The following SYNE1 variants were observed in gnomAD, a reference collection of about 807,000 sequenced individuals.
SYNE1 encodes nesprin-1.
A neutral mutation model predicts 1,111.0 loss-of-function variants in SYNE1; 616 were observed. The ratio of observed to expected loss-of-function variants is 0.55; its 90% CI spans 0.52 to 0.59. The LOEUF (loss-of-function observed/expected upper bound fraction) is 0.59. SYNE1 is among the 20% of genes least tolerant of loss of function. The pLI is 0.00. For missense variants in SYNE1, 10,006 were observed against 10,417.0 expected (o/e 0.96, Z 1.72); for synonymous variants, 3,855 against 3,825.8 (o/e 1.01, Z -0.28).
At chr6:152,572,934 A>C (rs1052338786) in intron 3 of SYNE1, among the ~76,000 whole-genome samples, 1 of 152,180 alleles carries the variant, frequency 6.6e-6, no homozygotes, top group African/African-American at 2.4e-5. Context: ...CCTTTGGTCT[A>C]ATAAACATTT....
Position 152,231,579 on chromosome 6 carries a change from G to A in SYNE1, c.20863-12C>T, listed in dbSNP as rs748934482. ...TCTATCTTAAAACCCTAAAAAAAAA[G>A]AGGAGAAAATAAGATTATACAATAA... On this transcript the variant is annotated splice_polypyrimidine_tract_variant and intron_variant, in intron 113 of 145. Coordinates refer to ENST00000367255, the MANE Select transcript of SYNE1 (RefSeq NM_182961.4). 4.3e-6 allele frequency: 7 copies of A among 1,611,506 alleles called. No homozygotes were observed. In the South Asian group the frequency reaches 5.5e-5, roughly 13 times the overall value.
Position 152,316,925 on chromosome 6 carries a change from T to C in SYNE1, c.16634A>G (p.Lys5545Arg). The C allele has an allele frequency of 6.2e-7, 1 of 1,614,128 alleles. No homozygotes were observed. The highest frequency in any genetic ancestry group is 1.1e-5 in the South Asian group (1 of 91,084). Reference protein sequence around the residue: ...MLELILKWIEKAKVLAHGTIA... With the variant: ...MLELILKWIERAKVLAHGTIA... ...AGTTCCATGAGCCAAGACTTTAGCT[T>C]TTTCAATCCACTTCAAAATTAATTC... is the stretch of plus-strand genomic sequence containing the variant. Residue 5545 changes from lysine to arginine, a missense_variant, in exon 87 of 146, where the codon AAA becomes AGA. Coordinates refer to ENST00000367255, the MANE Select transcript of SYNE1 (RefSeq NM_182961.4).
At position 152,323,430 on chromosome 6, in the gene SYNE1, CTCCA is replaced by C. The variant is rs780306158; in HGVS notation, c.15917+44_15917+47del. On this transcript the variant is annotated intron_variant, in intron 82 of 145. Coordinates refer to ENST00000367255, the MANE Select transcript of SYNE1 (RefSeq NM_182961.4). ...CTCCAGCCTGGGCGACAGAGCGAGACTCCAAACAAACAAACAAACAAAAGAATGA... is the reference window on the plus strand; with the variant it reads ...CTCCAGCCTGGGCGACAGAGCGAGACAACAAACAAACAAACAAAAGAATGA... 229 of 1,600,758 alleles carry C rather than the reference CTCCA, an allele frequency of 1.4e-4. 1 individual carries two copies. The Middle Eastern group carries it at 6.6e-3, about 46-fold the overall frequency.
At chr6:152,311,877 A>G (rs1296642395) in intron 87 of SYNE1, among the ~76,000 whole-genome samples, 2 of 151,512 alleles carry the variant, frequency 1.3e-5, no homozygotes, top group African/African-American at 2.4e-5. Flanking sequence ...CCGGGTTCAC[A>G]CCATTCTCCT....
intron 100 of SYNE1, among the ~76,000 whole-genome samples, chr6:152,263,527 C>T (rs2153656187): frequency 6.6e-6 from 1 of 152,020 alleles, no homozygotes. Flanking sequence ...AGTAGCCTCC[C>T]AAGTCTGGTA....
chr6:152,395,933 A>G (rs1333387872), intron 50 of SYNE1, among the ~76,000 whole-genome samples: 1 of 152,212 alleles, frequency 6.6e-6, no homozygotes, highest in African/African-American at 2.4e-5. Context: ...CATAGCTGGT[A>G]ATTGCCAACA....
chr6:152,408,890 G>T (rs549291640), intron 44 of SYNE1, among the ~76,000 whole-genome samples, 178 bp downstream of exon 44: 1 of 151,768 alleles, frequency 6.6e-6, no homozygotes, highest in African/African-American at 2.4e-5. Context: ...GAAGGCAGAG[G>T]TTGCGGTGAG....
chr6:152,484,933 T>C lies in SYNE1; in HGVS notation c.1087A>G (p.Lys363Glu). Reference protein sequence around the residue: ...HFRVQYEMKRKQIEHLIQPLH... With the variant: ...HFRVQYEMKREQIEHLIQPLH... ...GGTTGTATTAAATGTTCAATCTGTT[T>C]CCTCTTCATTTCATATTGAACTCTG... is the stretch of plus-strand genomic sequence containing the variant. Residue 363 changes from lysine (K) to glutamate (E), a missense_variant, in exon 13 of 146, where the codon AAA becomes GAA. This residue lies in a region of SYNE1 where 1,971 missense variants were observed against 2,084.1 expected (regional missense o/e 0.95). Coordinates refer to ENST00000367255, the MANE Select transcript of SYNE1 (RefSeq NM_182961.4). 1 of 1,613,342 alleles carries C rather than the reference T, an allele frequency of 6.2e-7. No individual in the cohort carries two copies. The highest frequency in any genetic ancestry group is 8.5e-7 in the Non-Finnish European group (1 of 1,179,736).
At chr6:152,265,335 A>G (rs2092586291) in intron 100 of SYNE1, among the ~76,000 whole-genome samples, 1 of 152,202 alleles carries the variant, frequency 6.6e-6, no homozygotes, top group African/African-American at 2.4e-5. Context: ...TAAACAGTTA[A>G]AATGAAGAAC....
intron 5 of SYNE1, among the ~76,000 whole-genome samples, chr6:152,525,656 G>A (rs2099160286): frequency 1.3e-5 from 2 of 152,114 alleles, no homozygotes; most frequent in African/African-American, 4.8e-5. Flanking sequence ...TGCCACACTG[G>A]TTTCCTGCTT....
At chr6:152,308,709 T>G in intron 90 of SYNE1, 77 bp from the exon 91 acceptor site, 3 of 1,487,410 alleles carry the variant, frequency 2.0e-6, no homozygotes. Context: ...TTCTGTAGTT[T>G]AACTCCTATT....
At chr6:152,426,239 A>G (rs1485053624) in intron 38 of SYNE1, among the ~76,000 whole-genome samples, 1 of 152,262 alleles carries the variant, frequency 6.6e-6, no homozygotes, top group East Asian at 1.9e-4. Flanking sequence ...ATGGCACAGC[A>G]GATAGTAGAT....
intron 39 of SYNE1, among the ~76,000 whole-genome samples, chr6:152,424,990 T>C (rs1323477056): frequency 4.6e-5 from 7 of 152,230 alleles, no homozygotes; most frequent in Admixed American, 2.6e-4. Context: ...AGAAGATCTA[T>C]ATTAAAATGA....
chr6:152,220,787 A>G, intron 119 of SYNE1, 55 bp downstream of exon 119: 1 of 1,523,484 alleles, frequency 6.6e-7, no homozygotes, highest in Non-Finnish European at 9.1e-7. Context: ...CAAAAGCTAA[A>G]CTTGGGCAGT....
chr6:152,433,024 T>G (rs1192594851), intron 34 of SYNE1, among the ~76,000 whole-genome samples: 3 of 151,726 alleles, frequency 2.0e-5, no homozygotes, highest in Admixed American at 6.6e-5. Flanking sequence ...TGTGAAATGT[T>G]CCCTCACCTT....
chr6:152,207,919 G>C, intron 125 of SYNE1, 53 bp downstream of exon 125: 2 of 1,582,850 alleles, frequency 1.3e-6, no homozygotes, highest in Non-Finnish European at 1.7e-6. Flanking sequence ...CGAAGGTAAA[G>C]TGTGCGGTGG....
chr6:152,401,393 C>A (rs1591942069), intron 46 of SYNE1, 52 bp from the exon 47 acceptor site: 1 of 1,553,872 alleles, frequency 6.4e-7, no homozygotes, highest in South Asian at 1.1e-5. Context: ...GAAGAATACT[C>A]ATTCAGTAGA....
intron 121 of SYNE1, among the ~76,000 whole-genome samples, chr6:152,217,452 C>T (rs1412864822): frequency 2.0e-5 from 3 of 150,406 alleles, no homozygotes; most frequent in South Asian, 2.1e-4. Flanking sequence ...AAATTATAAT[C>T]GTATATATTT....
At chr6:152,419,529 A>C in intron 40 of SYNE1, 40 bp downstream of exon 40, 1 of 1,575,270 alleles carries the variant, frequency 6.3e-7, no homozygotes, top group Non-Finnish European at 8.6e-7. Context: ...TTTTATGAAG[A>C]AATTCTTCTT....
Sources: allele counts gnomAD v4.1 joint callset (sites outside exome capture counted in the v4.1 genomes callset), GRCh38; gene constraint gnomAD v4.1.1; regional missense constraint gnomAD v4.1.1; transcripts MANE v1.5; gene names NCBI Gene and HGNC (gene_info 2026-07-23, HGNC 2026-07-21).